Variants in SNX29 observed in about 807,000 individuals in gnomAD.
The protein encoded by SNX29 is sorting nexin 29.
A neutral mutation model predicts 102.1 loss-of-function variants in SNX29; 78 were observed. The ratio of observed to expected loss-of-function variants is 0.76; its 90% CI spans 0.64 to 0.92. The LOEUF is 0.92. Ranked by LOEUF, SNX29 falls within the 40% of genes least tolerant of loss-of-function variation. The pLI, the probability that SNX29 is intolerant of heterozygous loss-of-function variation, is 0.00. For synonymous variants in SNX29, 580 were observed against 414.5 expected (o/e 1.40, Z -4.85); for missense variants, 1,280 against 1,061.7 (o/e 1.21, Z -2.86).
intron 8 of SNX29, among the ~76,000 whole-genome samples, chr16:12,059,124 G>A (rs2050660202): frequency 6.6e-6 from 1 of 152,084 alleles, no homozygotes; most frequent in African/African-American, 2.4e-5. Flanking sequence ...CACTTCTCGG[G>A]TTTGGAACCT....
intron 15 of SNX29, among the ~76,000 whole-genome samples, chr16:12,304,046 T>A (rs1439759077): frequency 1.3e-5 from 2 of 152,254 alleles, no homozygotes; most frequent in African/African-American, 4.8e-5. Flanking sequence ...AAGGCAGTTG[T>A]TGCCTATGCA....
chr16:12,288,384 C>T (rs1348689722), intron 15 of SNX29, among the ~76,000 whole-genome samples: 3 of 152,164 alleles, frequency 2.0e-5, no homozygotes, highest in Admixed American at 2.0e-4. Context: ...TTAATCTACA[C>T]ATAAGTAAAA....
At chr16:12,117,673 A>G (rs192792602) in intron 11 of SNX29, among the ~76,000 whole-genome samples, 1 of 152,362 alleles carries the variant, frequency 6.6e-6, no homozygotes, top group African/African-American at 2.4e-5. Flanking sequence ...CGTGGTAGAA[A>G]CGTTCTAGAA....
At chr16:12,513,315 C>G (rs982362564) in intron 19 of SNX29, among the ~76,000 whole-genome samples, 20 of 147,022 alleles carry the variant, frequency 1.4e-4, no homozygotes, top group African/African-American at 5.1e-4. Context: ...CTCTCCCCTT[C>G]TCTCCCTTCC....
At chr16:12,285,326 A>C (rs1325062523) in intron 15 of SNX29, among the ~76,000 whole-genome samples, 1 of 152,130 alleles carries the variant, frequency 6.6e-6, no homozygotes, top group East Asian at 1.9e-4. Context: ...TTGCCAGTCC[A>C]TCCTCTGCAA....
intron 18 of SNX29, among the ~76,000 whole-genome samples, chr16:12,459,131 C>G (rs1454299162): frequency 1.5e-5 from 2 of 134,100 alleles, no homozygotes; most frequent in African/African-American, 2.8e-5. Flanking sequence ...TCCCATTTCA[C>G]TCCCCCCTCC....
chr16:12,028,685 A>G (rs2057258715), intron 4 of SNX29, among the ~76,000 whole-genome samples: 1 of 151,674 alleles, frequency 6.6e-6, no homozygotes, highest in African/African-American at 2.4e-5. Context: ...TTTTTTTAAA[A>G]AAATTATTAT....
chr16:12,433,676 G>A (rs114997201), intron 18 of SNX29, among the ~76,000 whole-genome samples: 1,687 of 150,922 alleles, frequency 0.011, 26 homozygotes, highest in African/African-American at 0.039. Flanking sequence ...CGTGGTGGGC[G>A]TGGTGGGCAT....
intron 11 of SNX29, chr16:12,081,889 A>AGG (rs1244403147): frequency 6.5e-6 from 1 of 152,870 alleles, no homozygotes; most frequent in Non-Finnish European, 1.5e-5. Flanking sequence ...AAAGGCAAGA[A>AGG]GGAAAGACCA....
intron 18 of SNX29, among the ~76,000 whole-genome samples, chr16:12,415,327 G>C (rs2084584294): frequency 6.6e-6 from 1 of 152,206 alleles, no homozygotes; most frequent in African/African-American, 2.4e-5. Flanking sequence ...TGCCCACTCG[G>C]CAGGATTGCC....
At chr16:12,553,128 G>C (rs1173660223) in intron 20 of SNX29, among the ~76,000 whole-genome samples, 3 of 151,918 alleles carry the variant, frequency 2.0e-5, no homozygotes, top group African/African-American at 4.9e-5. Context: ...AGGGCCTTGG[G>C]CTTCTGGCTC....
intron 18 of SNX29, among the ~76,000 whole-genome samples, chr16:12,462,070 C>G (rs560935340): frequency 7.3e-6 from 1 of 136,614 alleles, no homozygotes. Flanking sequence ...AATATCCAGA[C>G]CAGTGTGGAG....
chr16:12,336,861 A>G (rs1023425056), intron 15 of SNX29, among the ~76,000 whole-genome samples: 5 of 152,140 alleles, frequency 3.3e-5, no homozygotes, highest in Admixed American at 1.3e-4. Context: ...TGGGAGGATC[A>G]CTTGAGTCCA....
At chr16:12,539,506 G>A (rs574303403) in intron 20 of SNX29, among the ~76,000 whole-genome samples, 2 of 152,172 alleles carry the variant, frequency 1.3e-5, no homozygotes, top group Non-Finnish European at 2.9e-5. Context: ...AAGTTGCGTT[G>A]GTTCCAGTTG....
intron 18 of SNX29, among the ~76,000 whole-genome samples, chr16:12,461,008 T>C (rs1008879531): frequency 1.3e-5 from 2 of 152,208 alleles, no homozygotes; most frequent in South Asian, 4.1e-4. Context: ...TGTTAAATAT[T>C]TAAATGTTAA....
At chr16:12,273,991 C>T (rs769091485) in intron 14 of SNX29, among the ~76,000 whole-genome samples, 4 of 152,150 alleles carry the variant, frequency 2.6e-5, no homozygotes, top group Admixed American at 6.5e-5. Context: ...AGGTGATGGC[C>T]ATTTGGGTTG....
At chr16:12,526,814 C>T (rs1026728796) in intron 20 of SNX29, 10 of 403,412 alleles carry the variant, frequency 2.5e-5, no homozygotes, top group Non-Finnish European at 3.7e-5. Flanking sequence ...CAGGCATCTC[C>T]GGTCCAGTGT....
Position 12,421,632 on chromosome 16 carries a change from A to G in SNX29, c.2037+18103A>G, listed in dbSNP as rs572773057. On this transcript the variant is annotated intron_variant, in intron 18 of 20. Coordinates refer to ENST00000566228, the MANE Select transcript of SNX29 (RefSeq NM_032167.5). ...TGGAGAGAACTTGACGCAATGTCTG[A>G]CACATGGGAAGTTCTTAGGAAACAT... Among the ~76,000 whole-genome samples the G allele has an allele frequency of 4.6e-5, 7 of 152,324 alleles. 1 individual carries two copies. The South Asian group carries it at 1.2e-3, about 27-fold the overall frequency.
In SNX29 at chr16:12,071,486, G is replaced by A. The variant is rs565134122; in HGVS notation, c.1319+2354G>A. On this transcript the variant is annotated intron_variant, in intron 10 of 20. Coordinates refer to ENST00000566228, the MANE Select transcript of SNX29 (RefSeq NM_032167.5). ...TCAAAGATCAGATAGTTGTAGGTATGCGGCATTATTTCTGAGGGCTCTGTT... is the reference window on the plus strand; with the variant it reads ...TCAAAGATCAGATAGTTGTAGGTATACGGCATTATTTCTGAGGGCTCTGTT... Among the ~76,000 whole-genome samples, 16 of 152,258 alleles carry A rather than the reference G, an allele frequency of 1.1e-4. No homozygotes were observed. In the East Asian group the frequency reaches 3.1e-3, roughly 29 times the overall value.
Sources: gnomAD v4.1 joint callset for allele counts (sites outside exome capture counted in the v4.1 genomes callset) on GRCh38, gnomAD v4.1.1 for gene constraint, MANE v1.5 for transcripts, NCBI Gene and HGNC (gene_info 2026-07-23, HGNC 2026-07-21) for gene names.